The following LRRTM4 variants were observed in gnomAD, a reference collection of about 807,000 sequenced individuals.
LRRTM4 encodes the protein leucine rich repeat transmembrane neuronal 4.
LRRTM4 carries 25 observed loss-of-function variants against 47.6 expected under a neutral mutation model. That is an observed-to-expected ratio of 0.53 (90% CI 0.38 to 0.73). LRRTM4 has a LOEUF of 0.73. LRRTM4 is among the 30% of genes least tolerant of loss of function. The pLI is 0.00. For synonymous variants in LRRTM4, 311 were observed against 269.5 expected (o/e 1.15, Z -1.51); for missense variants, 638 against 713.4 (o/e 0.89, Z 1.20).
chr2:77,513,732 A>AT (rs1679105896), intron 3 of LRRTM4, among the ~76,000 whole-genome samples: 1 of 151,816 alleles, frequency 6.6e-6, no homozygotes, highest in Non-Finnish European at 1.5e-5. Context: ...TGACCTGCTA[A>AT]TTTTTGTATT....
chr2:76,775,356 G>C (rs918870629), intron 3 of LRRTM4, among the ~76,000 whole-genome samples: 1 of 151,856 alleles, frequency 6.6e-6, no homozygotes, highest in African/African-American at 2.4e-5. Flanking sequence ...ATGATCCCCT[G>C]ATCTAGAGAT....
At chr2:76,873,034 A>T (rs1225212772) in intron 3 of LRRTM4, among the ~76,000 whole-genome samples, 2 of 152,130 alleles carry the variant, frequency 1.3e-5, no homozygotes, top group African/African-American at 4.8e-5. Context: ...ATGATGAGCC[A>T]AATAAACCTC....
chr2:76,755,607 A>G (rs1204219025), intron 3 of LRRTM4, among the ~76,000 whole-genome samples: 1 of 152,204 alleles, frequency 6.6e-6, no homozygotes, highest in Non-Finnish European at 1.5e-5. Flanking sequence ...TTGCAAAACT[A>G]TGAATCTCTC....
intron 3 of LRRTM4, among the ~76,000 whole-genome samples, chr2:77,234,285 T>C (rs1675045577): frequency 6.6e-6 from 1 of 152,162 alleles, no homozygotes. Context: ...TGAATCTCAG[T>C]TGATAGCCTA....
intron 3 of LRRTM4, among the ~76,000 whole-genome samples, chr2:77,032,391 T>C (rs767440893): frequency 6.6e-5 from 10 of 152,158 alleles, no homozygotes; most frequent in African/African-American, 9.7e-5. Context: ...GCATTTACCA[T>C]TGGACTATTA....
intron 3 of LRRTM4, among the ~76,000 whole-genome samples, chr2:77,447,509 A>T (rs1351196287): frequency 6.6e-6 from 1 of 152,122 alleles, no homozygotes; most frequent in East Asian, 1.9e-4. Context: ...ACCCATCCAC[A>T]TTCTATGTCC....
At chr2:76,915,086 A>G (rs1384548397) in intron 3 of LRRTM4, among the ~76,000 whole-genome samples, 1 of 152,214 alleles carries the variant, frequency 6.6e-6, no homozygotes, top group East Asian at 1.9e-4. Context: ...AAAGTAAGAC[A>G]AAAAGGAAGA....
chr2:77,004,980 G>A (rs1677581875), intron 3 of LRRTM4, among the ~76,000 whole-genome samples: 2 of 152,120 alleles, frequency 1.3e-5, no homozygotes, highest in Non-Finnish European at 2.9e-5. Flanking sequence ...ACCAATGCCT[G>A]TACCCCAGTT....
intron 3 of LRRTM4, among the ~76,000 whole-genome samples, chr2:77,424,015 T>C (rs1023998041): frequency 7.9e-5 from 12 of 152,160 alleles, no homozygotes; most frequent in Non-Finnish European, 1.3e-4. Context: ...ATTTTATTAT[T>C]TATTTTCTAA....
chr2:76,827,565 T>A (rs952383364), intron 3 of LRRTM4, among the ~76,000 whole-genome samples: 1 of 151,882 alleles, frequency 6.6e-6, no homozygotes, highest in African/African-American at 2.4e-5. Context: ...ATGTATTTCA[T>A]AGCATTGAAA....
intron 3 of LRRTM4, among the ~76,000 whole-genome samples, chr2:76,905,138 C>G (rs182066470): frequency 1.3e-5 from 2 of 152,212 alleles, no homozygotes; most frequent in East Asian, 3.9e-4. Context: ...GCCGGGTACT[C>G]CTCTGAGACA....
At chr2:77,480,822 GGAGAGAGAGAGAGAGAGAGAGAGA>G (rs67377276) in intron 3 of LRRTM4, among the ~76,000 whole-genome samples, 19 of 74,522 alleles carry the variant, frequency 2.5e-4, no homozygotes, top group African/African-American at 9.2e-4. Context: ...GTGTGTGTGT[GGAGAGAGAGAGAGAGAGAGAGAGA>G]GAGAGAGAGA....
At chr2:76,832,451 G>A (rs534919244) in intron 3 of LRRTM4, among the ~76,000 whole-genome samples, 1 of 142,544 alleles carries the variant, frequency 7.0e-6, no homozygotes, top group East Asian at 2.1e-4. Context: ...CATCCTCGAA[G>A]GGCTTTTTTT....
chr2:76,803,009 C>G (rs559976528), intron 3 of LRRTM4, among the ~76,000 whole-genome samples: 1 of 152,008 alleles, frequency 6.6e-6, no homozygotes, highest in African/African-American at 2.4e-5. Context: ...TAGTAGAAAA[C>G]AGGGGATAAG....
chr2:77,177,032 A>G lies in LRRTM4; in HGVS notation c.1551+341286T>C, dbSNP rs1189787683. Among the ~76,000 whole-genome samples, 4 of 152,322 alleles carry G rather than the reference A, an allele frequency of 2.6e-5. No homozygotes were observed. The East Asian group carries it at 7.7e-4, about 29-fold the overall frequency. ...CAACCCTCAATTCCAGGAATTCCCT[A>G]CCCCTTTCCTAAGAAACTCATACAT... On this transcript the variant is annotated intron_variant, in intron 3 of 3. Coordinates refer to ENST00000409884, the MANE Select transcript of LRRTM4 (RefSeq NM_001134745.3).
rs537937716 is a variant in LRRTM4 at position 76,759,107 on chromosome 2, C to A, written c.1552-10191G>T. 2.2e-4 allele frequency among the ~76,000 whole-genome samples: 34 copies of A among 151,932 alleles called. 1 individual carries two copies. The highest frequency in any genetic ancestry group is 5.6e-4 in the African/African-American group (23 of 41,434). On this transcript the variant is annotated intron_variant, in intron 3 of 3. Transcript: ENST00000409884. Reference sequence around the variant, plus strand: ...TGGGCCAATTTTCTGAGAGTTAGGCCTTGTGCTAGGAGCTGGGTATATAAA... The same window carrying A: ...TGGGCCAATTTTCTGAGAGTTAGGCATTGTGCTAGGAGCTGGGTATATAAA...
At chr2:77,208,273 A>C (rs1199846833) in intron 3 of LRRTM4, among the ~76,000 whole-genome samples, 1 of 152,188 alleles carries the variant, frequency 6.6e-6, no homozygotes, top group African/African-American at 2.4e-5. Context: ...AGATGCTATA[A>C]GGGACTTTAG....
chr2:77,129,754 G>A (rs1671746450), intron 3 of LRRTM4, among the ~76,000 whole-genome samples: 1 of 152,110 alleles, frequency 6.6e-6, no homozygotes, highest in South Asian at 2.1e-4. Flanking sequence ...CAGATGGTGT[G>A]TTCACTATTA....
intron 3 of LRRTM4, among the ~76,000 whole-genome samples, chr2:77,145,901 G>A (rs576854628): frequency 1.3e-5 from 2 of 152,148 alleles, no homozygotes; most frequent in East Asian, 1.9e-4. Flanking sequence ...GTGTTTCAAA[G>A]ATTATTATTC....
Sources: allele counts gnomAD v4.1 joint callset (sites outside exome capture counted in the v4.1 genomes callset), GRCh38; gene constraint gnomAD v4.1.1; transcripts MANE v1.5; gene names NCBI Gene and HGNC (gene_info 2026-07-23, HGNC 2026-07-21).